The following C11orf65 variants were observed in gnomAD, a reference collection of about 807,000 sequenced individuals.
The protein encoded by C11orf65 is protein MFI.
Under a neutral mutation model 35.3 loss-of-function variants are expected in C11orf65, and 38 were observed. The ratio of observed to expected loss-of-function variants is 1.08; its 90% confidence interval spans 0.83 to 1.41. C11orf65 has a LOEUF of 1.41. Ranked by LOEUF, C11orf65 falls within the 40% of genes most tolerant of loss-of-function variation. The probability of loss-of-function intolerance (pLI) is 0.00; values close to 1 mark genes in which losing one functional copy is unlikely to be tolerated. For synonymous variants in C11orf65, 105 were observed against 114.4 expected (o/e 0.92, Z 0.53); for missense variants, 370 against 367.1 (o/e 1.01, Z -0.06).
intron 2 of C11orf65, among the ~76,000 whole-genome samples, chr11:108,436,674 T>A (rs1428986080): frequency 6.6e-6 from 1 of 152,142 alleles, no homozygotes; most frequent in Non-Finnish European, 1.5e-5. Flanking sequence ...CACATCATAA[T>A]CAAACTGCTA....
At chr11:108,428,075 C>T (rs887632830) in intron 3 of C11orf65, among the ~76,000 whole-genome samples, 42 of 151,766 alleles carry the variant, frequency 2.8e-4, no homozygotes, top group African/African-American at 9.4e-4. Context: ...GTGATCCACC[C>T]GCCTCGGCCT....
At chr11:108,435,177 T>C (rs2093044129) in intron 2 of C11orf65, among the ~76,000 whole-genome samples, 1 of 152,206 alleles carries the variant, frequency 6.6e-6, no homozygotes, top group African/African-American at 2.4e-5. Context: ...TTTTGCTTCC[T>C]GTCCTTCTTT....
chr11:108,355,455 A>G (rs1478176343), intron 2 of C11orf65: 1 of 157,138 alleles, frequency 6.4e-6, no homozygotes, highest in Admixed American at 6.1e-5. Context: ...CAGGGCAGAA[A>G]AAAGGAAGTC....
chr11:108,452,027 C>A (rs1365908464), intron 2 of C11orf65, among the ~76,000 whole-genome samples: 1 of 152,056 alleles, frequency 6.6e-6, no homozygotes, highest in South Asian at 2.1e-4. Context: ...AAGACTTAAA[C>A]GTTAGACCTA....
intron 2 of C11orf65, among the ~76,000 whole-genome samples, chr11:108,453,666 A>T (rs1164014684): frequency 1.3e-5 from 2 of 152,242 alleles, no homozygotes; most frequent in Non-Finnish European, 2.9e-5. Context: ...TATCTATTGA[A>T]GTGATCACAT....
rs4986839 is a variant in C11orf65 at position 108,353,888 on chromosome 11, A to T, written c.227-18596T>A. 1 of 1,604,240 alleles carries T rather than the reference A, an allele frequency of 6.2e-7. No homozygotes were observed. Among genetic ancestry groups the T allele is most frequent in the Non-Finnish European group, 8.5e-7 (1 of 1,171,110 alleles). ...TGAAGGTGTCTTCAGAAGGTAAGTG[A>T]TATGAAGTAAAGGAGGGAAATAATT... On this transcript the variant is annotated intron_variant, in intron 2 of 3. Transcript: ENST00000524755.
Position 108,335,020 on chromosome 11 carries a change from G to A in C11orf65, c.299+200C>T, listed in dbSNP as rs1565540761. Reference sequence around the variant, plus strand: ...TCTGGTGACTATACAGTCATTTAAAGCAGAATTTCGCTTAGCAGGAGGTGT... The same window carrying A: ...TCTGGTGACTATACAGTCATTTAAAACAGAATTTCGCTTAGCAGGAGGTGT... On this transcript the variant is annotated intron_variant, in intron 3 of 3. Coordinates refer to the C11orf65 transcript ENST00000524755. 1 of 1,613,942 alleles carries A rather than the reference G, an allele frequency of 6.2e-7. No homozygotes were observed. The highest frequency in any genetic ancestry group is 8.5e-7 in the Non-Finnish European group (1 of 1,179,876).
intron 6 of C11orf65, among the ~76,000 whole-genome samples, chr11:108,323,440 G>C (rs1264152216): frequency 1.3e-5 from 2 of 152,026 alleles, no homozygotes; most frequent in African/African-American, 4.8e-5. Context: ...TGGTTAATGA[G>C]TGAAAAAACA....
chr11:108,407,949 A>G (rs1166620864), intron 3 of C11orf65, among the ~76,000 whole-genome samples: 2 of 36,758 alleles, frequency 5.4e-5, no homozygotes, highest in Admixed American at 4.2e-4. Context: ...AAAAAAAAAA[A>G]AAAGAAAAGA....
chr11:108,358,042 T>A (rs1012700242), intron 2 of C11orf65, among the ~76,000 whole-genome samples: 2 of 143,992 alleles, frequency 1.4e-5, no homozygotes, highest in East Asian at 3.9e-4. Context: ...AGTTGACAAC[T>A]TTGAAAAAAA....
At chr11:108,464,142 G>A (rs2093504589) in intron 1 of C11orf65, among the ~76,000 whole-genome samples, 2 of 151,992 alleles carry the variant, frequency 1.3e-5, no homozygotes, top group South Asian at 4.1e-4. Flanking sequence ...GGCCAGGGTG[G>A]GCTCGAACTG....
At chr11:108,446,667 A>G (rs1403710674) in intron 2 of C11orf65, among the ~76,000 whole-genome samples, 3 of 152,200 alleles carry the variant, frequency 2.0e-5, no homozygotes, top group Non-Finnish European at 2.9e-5. Context: ...GGTACCAGCC[A>G]CTGCAAAATC....
chr11:108,442,236 A>C (rs60514457), intron 2 of C11orf65, among the ~76,000 whole-genome samples: 1,606 of 152,306 alleles, frequency 0.011, 21 homozygotes, highest in African/African-American at 0.036. Context: ...GTGATTGAAG[A>C]TCAAAAGAAT....
chr11:108,334,082 A>G, intron 3 of C11orf65: 1 of 792,900 alleles, frequency 1.3e-6, no homozygotes, highest in Non-Finnish European at 2.1e-6. Flanking sequence ...GGCAAATTTC[A>G]TATGTTTCAA....
intron 2 of C11orf65, among the ~76,000 whole-genome samples, chr11:108,439,046 A>G (rs1366507556): frequency 6.6e-6 from 1 of 152,170 alleles, no homozygotes; most frequent in Non-Finnish European, 1.5e-5. Context: ...AAAGGACACT[A>G]ACAAGAGAGT....
Position 108,358,690 on chromosome 11 carries a change from A to G in C11orf65, c.227-23398T>C, listed in dbSNP as rs1052891788. Among the ~76,000 whole-genome samples the G allele has an allele frequency of 1.3e-4, 19 of 150,202 alleles. No homozygotes were observed. In the Admixed American group the frequency reaches 1.3e-3, roughly 10 times the overall value. On this transcript the variant is annotated intron_variant, in intron 2 of 3. Coordinates refer to the C11orf65 transcript ENST00000524755. ...TCAACCCAGAATTTCATATCCAGCC[A>G]AACTAAGCTTCATCAGTGAAGTAGA...
At chr11:108,450,624 T>C (rs1315350365) in intron 2 of C11orf65, among the ~76,000 whole-genome samples, 1 of 74,592 alleles carries the variant, frequency 1.3e-5, no homozygotes, top group Admixed American at 2.1e-4. Flanking sequence ...GGGACTGTTG[T>C]GGGGTGGGGG....
At position 108,320,201 on chromosome 11, in the gene C11orf65, T is replaced by C. The variant is rs2085101996; in HGVS notation, c.641-11130A>G. 5.9e-6 allele frequency: 4 copies of C among 677,134 alleles called. No homozygotes were observed. In the East Asian group the frequency reaches 1.1e-4, roughly 18 times the overall value. 41.9% of individuals were successfully genotyped at this position (677,134 alleles called of 1,614,324 possible). On this transcript the variant is annotated intron_variant, in intron 6 of 6. Transcript: ENST00000525729. ...GTGGCTGTGATCAGATGTTTCCTTGTAATTCTCTGCCCTCCTTCAAAACAA... is the reference window on the plus strand; with the variant it reads ...GTGGCTGTGATCAGATGTTTCCTTGCAATTCTCTGCCCTCCTTCAAAACAA...
rs144761622 is a variant in C11orf65 at position 108,316,091 on chromosome 11, C to T, written c.641-7020G>A. On this transcript the variant is annotated intron_variant, in intron 6 of 6. Coordinates refer to the C11orf65 transcript ENST00000525729. ...CTCGAAACAGCAATCCCCTCATCAACACGCCAGGCAGGAATCATTCAGGTA... is the reference window on the plus strand; with the variant it reads ...CTCGAAACAGCAATCCCCTCATCAATACGCCAGGCAGGAATCATTCAGGTA... 338 of 1,614,122 alleles carry T rather than the reference C, an allele frequency of 2.1e-4. 1 individual carries two copies. In the African/African-American group the frequency reaches 4.2e-3, roughly 20 times the overall value.
Sources: gnomAD v4.1 joint callset for allele counts (sites outside exome capture counted in the v4.1 genomes callset) on GRCh38, gnomAD v4.1.1 for gene constraint, MANE v1.5 for transcripts, NCBI Gene and HGNC (gene_info 2026-07-23, HGNC 2026-07-21) for gene names.